Variants in RBFOX3 observed in about 807,000 individuals in gnomAD.
The protein encoded by RBFOX3 is RNA binding protein fox-1 homolog 3.
A neutral mutation model predicts 48.7 loss-of-function variants in RBFOX3; 17 were observed. The ratio of observed to expected loss-of-function variants is 0.35; its 90% CI spans 0.24 to 0.52. The LOEUF is 0.52. Ranked by LOEUF, RBFOX3 falls within the 20% of genes least tolerant of loss-of-function variation. The pLI is 0.94. For synonymous variants in RBFOX3, 212 were observed against 209.5 expected, an observed-to-expected ratio of 1.01 and a Z score of -0.10; for missense variants, 382 against 497.5, an observed-to-expected ratio of 0.77 and a Z score of 2.21.
At chr17:79,306,503 C>G (rs883890) in intron 3 of RBFOX3, among the ~76,000 whole-genome samples, 23,261 of 152,284 alleles carry the variant, frequency 0.15, 1,909 homozygotes, top group Non-Finnish European at 0.19. Context: ...CCTGGGGCTC[C>G]CTTCTCTTAC....
chr17:79,227,789 G>C (rs557399198), intron 4 of RBFOX3, among the ~76,000 whole-genome samples: 1 of 152,208 alleles, frequency 6.6e-6, no homozygotes, highest in Non-Finnish European at 1.5e-5. Flanking sequence ...GGTAGGCTCG[G>C]GGCCTCTGTG....
intron 3 of RBFOX3, among the ~76,000 whole-genome samples, chr17:79,275,510 A>G (rs1030116273): frequency 1.3e-5 from 2 of 152,122 alleles, no homozygotes; most frequent in Non-Finnish European, 2.9e-5. Context: ...CACATCCCCA[A>G]TACCTGGAGG....
chr17:79,327,993 C>T (rs1207584980), intron 2 of RBFOX3, among the ~76,000 whole-genome samples: 1 of 152,220 alleles, frequency 6.6e-6, no homozygotes, highest in Non-Finnish European at 1.5e-5. Flanking sequence ...CGCACCTGGC[C>T]TTCCTTCTCT....
chr17:79,305,087 G>A (rs1032212568), intron 3 of RBFOX3, among the ~76,000 whole-genome samples: 11 of 152,208 alleles, frequency 7.2e-5, no homozygotes, highest in African/African-American at 2.7e-4. Flanking sequence ...GTGGGCCGCC[G>A]CCTGGCCAGG....
At chr17:79,627,183 G>A in the RBFOX3 span, among the ~76,000 whole-genome samples, 2 of 152,178 alleles carry the variant, frequency 1.3e-5, no homozygotes, top group Non-Finnish European at 2.9e-5. Flanking sequence ...AGCCTGGTCT[G>A]TTATTCTGTT....
chr17:79,610,064 G>A (rs939515065), intron 1 of RBFOX3, among the ~76,000 whole-genome samples: 20 of 152,030 alleles, frequency 1.3e-4, no homozygotes, highest in African/African-American at 4.8e-4. Flanking sequence ...TCGTGCTTGG[G>A]GACTCGGCCC....
upstream of RBFOX3, among the ~76,000 whole-genome samples, chr17:79,611,346 G>A (rs982874512): frequency 7.2e-5 from 11 of 151,926 alleles, no homozygotes; most frequent in East Asian, 1.4e-3. Flanking sequence ...CGCGGCCGGG[G>A]AGGGCGGCGG....
At chr17:79,581,977 G>C (rs1322862064) in intron 1 of RBFOX3, among the ~76,000 whole-genome samples, 101 of 118,418 alleles carry the variant, frequency 8.5e-4, no homozygotes, top group Middle Eastern at 5.9e-3. Context: ...CCTGTGCGTG[G>C]CTGTGTATGC....
intron 2 of RBFOX3, among the ~76,000 whole-genome samples, chr17:79,420,152 CACACACACACACACACACACACAA>C (rs1555721453): frequency 1.3e-5 from 2 of 151,466 alleles, no homozygotes; most frequent in East Asian, 1.9e-4. Flanking sequence ...CACACACACA[CACACACACACACACACACACACAA>C]AAGATGGTTA....
At chr17:79,474,141 A>T (rs1368091132) in intron 2 of RBFOX3, among the ~76,000 whole-genome samples, 1 of 152,142 alleles carries the variant, frequency 6.6e-6, no homozygotes, top group Non-Finnish European at 1.5e-5. Context: ...AAATGAAGAA[A>T]TTCCGGAATC....
At chr17:79,550,590 G>C (rs1288594666) in intron 1 of RBFOX3, among the ~76,000 whole-genome samples, 4 of 152,344 alleles carry the variant, frequency 2.6e-5, no homozygotes, top group African/African-American at 9.6e-5. Context: ...AAATGACTAA[G>C]TGGATGAATA....
rs749691570 is a variant in RBFOX3 at position 79,252,578 on chromosome 17, C to T, written c.-73-16773G>A. 6.6e-6 allele frequency among the ~76,000 whole-genome samples: 1 copy of T among 152,218 alleles called. No individual in the cohort carries two copies. Among genetic ancestry groups the T allele is most frequent in the Non-Finnish European group, 1.5e-5 (1 of 68,042 alleles). On this transcript the variant is annotated intron_variant, in intron 3 of 14. Coordinates refer to ENST00000693108, the MANE Select transcript of RBFOX3 (RefSeq NM_001350451.2). The surrounding 1 kb of genome is among the most constrained non-coding windows in gnomAD (Gnocchi z 4.0). ...TCGGAAATGAGCTCTGATGGTTCCT[C>T]GATGGTAAACCAGTGAGGCTCCTTC...
Position 79,256,060 on chromosome 17 carries a change from T to C in RBFOX3, c.-73-20255A>G, listed in dbSNP as rs547089497. On this transcript the variant is annotated intron_variant, in intron 3 of 14. Coordinates refer to ENST00000693108, the MANE Select transcript of RBFOX3 (RefSeq NM_001350451.2). ...CTGTCTTCCATACCACCAACTTCCC[T>C]GGTGCGGACGGGAGGGGCTGACCTA... Among the ~76,000 whole-genome samples, 84 of 151,932 alleles carry C rather than the reference T, an allele frequency of 5.5e-4. 1 individual carries two copies. The highest frequency in any genetic ancestry group is 2.0e-3 in the African/African-American group (81 of 41,462).
chr17:79,170,539 C>T (rs1052012041), intron 4 of RBFOX3, among the ~76,000 whole-genome samples: 7 of 152,066 alleles, frequency 4.6e-5, no homozygotes, highest in African/African-American at 7.2e-5. Flanking sequence ...GCGTCTGCAC[C>T]GTCCTGAAGC....
At chr17:79,637,826 G>A in the RBFOX3 span, among the ~76,000 whole-genome samples, 1 of 137,104 alleles carries the variant, frequency 7.3e-6, no homozygotes, top group African/African-American at 2.6e-5. Flanking sequence ...GGGAAGGGAA[G>A]GGAAGGGGAA....
intron 1 of RBFOX3, among the ~76,000 whole-genome samples, chr17:79,539,962 C>T (rs1257836213): frequency 6.6e-6 from 1 of 152,198 alleles, no homozygotes; most frequent in African/African-American, 2.4e-5. Context: ...TGTCATTCAT[C>T]TGAAATCCGG....
At chr17:79,255,855 G>A (rs1342875282) in intron 3 of RBFOX3, among the ~76,000 whole-genome samples, 2 of 151,494 alleles carry the variant, frequency 1.3e-5, no homozygotes, top group Admixed American at 6.6e-5. Flanking sequence ...TGTTGCTGGT[G>A]TAGGGACTGA....
chr17:79,207,658 C>T (rs766935581), intron 4 of RBFOX3, among the ~76,000 whole-genome samples: 3 of 152,214 alleles, frequency 2.0e-5, no homozygotes, highest in Non-Finnish European at 2.9e-5. Flanking sequence ...CCTCCTCTCG[C>T]GGGCCTAAGC....
Position 79,586,014 on chromosome 17 carries a change from G to T in RBFOX3, c.-320+24812C>A, listed in dbSNP as rs912005393. 1.2e-4 allele frequency among the ~76,000 whole-genome samples: 19 copies of T among 152,332 alleles called. No homozygotes were observed. The East Asian group carries it at 2.3e-3, about 19-fold the overall frequency. On this transcript the variant is annotated intron_variant, in intron 1 of 14. Coordinates refer to ENST00000693108, the MANE Select transcript of RBFOX3 (RefSeq NM_001350451.2). ...GGCCCTCAGACTGGGGTGATTCCCA[G>T]CATGGAGGCTTGCCCCTGGTGTGGA... is the stretch of plus-strand genomic sequence containing the variant.
Sources: gnomAD v4.1 joint callset for allele counts (sites outside exome capture counted in the v4.1 genomes callset) on GRCh38, gnomAD v4.1.1 for gene constraint, Gnocchi (gnomAD v3.1) non-coding constraint, MANE v1.5 for transcripts, NCBI Gene and HGNC (gene_info 2026-07-23, HGNC 2026-07-21) for gene names.